Variants in RGPD1 observed in about 807,000 individuals in gnomAD.
RGPD1 encodes RANBP2-like and GRIP domain-containing protein 1.
In RGPD1, 7 loss-of-function variants were observed where a neutral mutation model predicts 40.6. That is an observed-to-expected ratio of 0.17 (90% CI 0.10 to 0.32). The LOEUF is 0.32. RGPD1 is among the 10% of genes least tolerant of loss of function. The probability of loss-of-function intolerance (pLI) is 1.00; values close to 1 mark genes in which losing one functional copy is unlikely to be tolerated. For missense variants in RGPD1, 50 were observed against 472.5 expected (o/e 0.11, Z 8.29); for synonymous variants, 24 against 167.0 (o/e 0.14, Z 6.60).
intron 21 of RGPD1, among the ~76,000 whole-genome samples, chr2:86,996,911 G>A (rs888751148): frequency 1.2e-5 from 1 of 84,484 alleles, no homozygotes; most frequent in Admixed American, 1.2e-4. Flanking sequence ...TGCCATACTG[G>A]CTTAGTTTCT....
chr2:86,943,847 C>A lies in RGPD1; in HGVS notation c.72+1539C>A, dbSNP rs114282409. On this transcript the variant is annotated intron_variant, in intron 1 of 22. Coordinates refer to ENST00000641458, the MANE Select transcript of RGPD1 (RefSeq NM_001382344.1). ...CTAACATGTCGAGACCTCGTCTCTA[C>A]TAAAAATAGAAAAAAAGTTAGCCGG... Among the ~76,000 whole-genome samples the A allele has an allele frequency of 7.3e-3, 1,113 of 152,048 alleles. 13 individuals are homozygous for A. Among genetic ancestry groups the A allele is most frequent in the African/African-American group, 0.026 (1,058 of 41,474 alleles).
intron 1 of RGPD1, among the ~76,000 whole-genome samples, chr2:86,943,483 A>G (rs1680081371): frequency 6.6e-6 from 1 of 152,132 alleles, no homozygotes; most frequent in Non-Finnish European, 1.5e-5. Context: ...GAGTGACGGA[A>G]GAAGCTATTA....
At chr2:86,918,224 C>T (rs1677858899) in intron 1 of RGPD1, among the ~76,000 whole-genome samples, 1 of 150,432 alleles carries the variant, frequency 6.6e-6, no homozygotes. Flanking sequence ...TAAGGCCTTA[C>T]CTCTCACCCT....
rs1174932965 is a variant in RGPD1 at position 86,914,036 on chromosome 2, C to CCTCCGCCT, written c.72+115_72+116insCTCCGCCT. The CCTCCGCCT allele has an allele frequency of 1.6e-3, 89 of 55,744 alleles. 15 individuals are homozygous for CCTCCGCCT. Among genetic ancestry groups the CCTCCGCCT allele is most frequent in the East Asian group, 3.8e-3 (4 of 1,042 alleles). The allele number at this position is 55,744 out of a possible 1,614,324, so 3.5% of individuals were successfully genotyped here. On this transcript the variant is annotated intron_variant, in intron 1 of 22. Coordinates refer to the RGPD1 transcript ENST00000398193. ...CCTGGCCGGGCGGCGGCGGCGGCGG[C>CCTCCGCCT]GGCGGCGGCGGCGGCGGCGGCCTCG...
At chr2:86,918,170 A>G (rs1475869543) in intron 1 of RGPD1, among the ~76,000 whole-genome samples, 9 of 151,106 alleles carry the variant, frequency 6.0e-5, no homozygotes, top group Admixed American at 3.3e-4. Flanking sequence ...GCCGAGTACT[A>G]TACCATCTAC....
chr2:86,926,183 T>C (rs1678486991), intron 1 of RGPD1, among the ~76,000 whole-genome samples: 2 of 151,976 alleles, frequency 1.3e-5, no homozygotes. Flanking sequence ...CAGTTCTTTT[T>C]CATTCAGTTC....
intron 1 of RGPD1, among the ~76,000 whole-genome samples, chr2:86,931,446 T>C (rs1678953612): frequency 6.6e-6 from 1 of 150,966 alleles, no homozygotes; most frequent in Non-Finnish European, 1.5e-5. Context: ...AGTATCTTTT[T>C]TTGGGTGGTT....
chr2:86,957,347 T>A (rs1168031353), intron 4 of RGPD1, among the ~76,000 whole-genome samples: 43 of 149,262 alleles, frequency 2.9e-4, no homozygotes, highest in Admixed American at 6.7e-4. Flanking sequence ...GAGTCAGATT[T>A]AAGGAGATAC....
intron 1 of RGPD1, among the ~76,000 whole-genome samples, chr2:86,935,951 G>A (rs1373637802): frequency 6.9e-6 from 1 of 145,422 alleles, no homozygotes; most frequent in Non-Finnish European, 1.5e-5. Flanking sequence ...TTGGATGGGG[G>A]CAGATAATTA....
intron 1 of RGPD1, among the ~76,000 whole-genome samples, chr2:86,926,130 TG>T (rs1678480781): frequency 6.6e-6 from 1 of 152,386 alleles, no homozygotes; most frequent in East Asian, 1.9e-4. Flanking sequence ...GGGAAAGAGT[TG>T]GGGGAAATCA....
At chr2:86,941,122 C>T (rs988709640), upstream of RGPD1, among the ~76,000 whole-genome samples, 5 of 152,100 alleles carry the variant, frequency 3.3e-5, no homozygotes, top group Admixed American at 6.5e-5. Context: ...AAAATATCAA[C>T]GCATTTGATA....
At chr2:87,009,034 G>A (rs536866024) in intron 22 of RGPD1, among the ~76,000 whole-genome samples, 98 of 150,024 alleles carry the variant, frequency 6.5e-4, no homozygotes, top group Admixed American at 1.1e-3. Context: ...AGCCAGGCAT[G>A]GTGGCTTACG....
upstream of RGPD1, chr2:86,913,693 G>T (rs1411349660): frequency 7.6e-7 from 1 of 1,320,100 alleles, no homozygotes; most frequent in African/African-American, 1.6e-5. Context: ...CGCCGACGTC[G>T]CCAAGGATAC....
In RGPD1 at chr2:86,926,740, G is replaced by T. The variant is rs188456927; in HGVS notation, c.72+12819G>T. 2.4e-3 allele frequency among the ~76,000 whole-genome samples: 370 copies of T among 152,252 alleles called. 1 individual carries two copies. Among genetic ancestry groups the T allele is most frequent in the Middle Eastern group, 6.8e-3 (2 of 294 alleles). On this transcript the variant is annotated intron_variant, in intron 1 of 22. Transcript: ENST00000398193. ...TTGATTCTCACATTAATCCCATGTG[G>T]TAGTTAATTAAGGTAGTATTACAAG...
intron 1 of RGPD1, among the ~76,000 whole-genome samples, 177 bp downstream of exon 1, chr2:86,942,485 G>C (rs1453506235): frequency 6.2e-5 from 8 of 130,034 alleles, no homozygotes; most frequent in African/African-American, 2.3e-4. Context: ...ACCTGGCCGG[G>C]CGGCGGCGGC....
chr2:86,913,863 A>T, exon 1 of RGPD1: 2 of 1,580,330 alleles, frequency 1.3e-6, no homozygotes, highest in South Asian at 2.3e-5. Flanking sequence ...AGGCGCAGCA[A>T]GGCCTACGGG....
At chr2:86,956,738 A>G (rs1426273607) in intron 4 of RGPD1, among the ~76,000 whole-genome samples, 1 of 90,092 alleles carries the variant, frequency 1.1e-5, no homozygotes, top group African/African-American at 8.2e-5. Context: ...ATAAGGGATT[A>G]TAGCATTTTT....
rs986865418 is a variant in RGPD1 at position 86,936,070 on chromosome 2, A to G, written c.73-15226A>G. 6.7e-5 allele frequency among the ~76,000 whole-genome samples: 9 copies of G among 133,562 alleles called. 1 individual carries two copies. The highest frequency in any genetic ancestry group is 1.8e-4 in the African/African-American group (7 of 38,134). The allele number at this position is 133,562 out of a possible 152,430, so 87.6% of individuals were successfully genotyped here. The stretch of plus-strand genomic sequence containing the variant: ...CCCAGGCTGGAGGTGCAGTGGCGCA[A>G]TCTCGGCTCACTGCAAGCTCCACCT... On this transcript the variant is annotated intron_variant, in intron 1 of 22. Transcript: ENST00000398193.
chr2:86,992,844 CCTGG>C, intron 20 of RGPD1, among the ~76,000 whole-genome samples: 1 of 25,070 alleles, frequency 4.0e-5, no homozygotes, highest in African/African-American at 1.5e-4. Flanking sequence ...TGCCACCGTG[CCTGG>C]CTAATTTTTG....
Sources: allele counts gnomAD v4.1 joint callset (sites outside exome capture counted in the v4.1 genomes callset), GRCh38; gene constraint gnomAD v4.1.1; transcripts MANE v1.5; gene names NCBI Gene and HGNC (gene_info 2026-07-23, HGNC 2026-07-21).